LRP1B: variants seen among roughly 807,000 people sequenced by gnomAD.
LRP1B encodes low-density lipoprotein receptor-related protein 1B.
LRP1B carries 217 observed loss-of-function variants against 556.6 expected under a neutral mutation model. The ratio of observed to expected loss-of-function variants is 0.39; its 90% CI spans 0.35 to 0.44. The LOEUF is 0.44. LRP1B is among the 20% of genes least tolerant of loss of function. The probability of loss-of-function intolerance (pLI) is 1.00; values close to 1 mark genes in which losing one functional copy is unlikely to be tolerated. For missense variants in LRP1B, 5,053 were observed against 5,620.8 expected (o/e 0.90, Z 3.23); for synonymous variants, 2,047 against 1,865.8 (o/e 1.10, Z -2.50).
chr2:141,006,599 T>C lies in LRP1B; in HGVS notation c.2381-1142A>G, dbSNP rs139682434. Among the ~76,000 whole-genome samples, 305 of 152,110 alleles carry C rather than the reference T, an allele frequency of 2.0e-3. 1 individual carries two copies. The highest frequency in any genetic ancestry group is 7.1e-3 in the African/African-American group (295 of 41,554). On this transcript the variant is annotated intron_variant, in intron 14 of 90. Transcript: ENST00000389484. ...AGCATCCTTACACAAACCGAGATAG[T>C]AGAGCCTGCTGTGCACCTAAACTAT...
At chr2:140,667,477 C>T (rs1021652461) in intron 41 of LRP1B, among the ~76,000 whole-genome samples, 1 of 152,190 alleles carries the variant, frequency 6.6e-6, no homozygotes, top group African/African-American at 2.4e-5. Flanking sequence ...TCTTCCTATA[C>T]ACCTTGGATA....
At chr2:140,342,062 CA>C (rs1004447559) in intron 77 of LRP1B, among the ~76,000 whole-genome samples, 1 of 151,190 alleles carries the variant, frequency 6.6e-6, no homozygotes, top group Non-Finnish European at 1.5e-5. Context: ...ATTAAAACAT[CA>C]AAAAAATAGC....
intron 2 of LRP1B, among the ~76,000 whole-genome samples, chr2:141,701,312 A>G (rs567963314): frequency 2.0e-5 from 3 of 151,844 alleles, no homozygotes; most frequent in African/African-American, 7.2e-5. Flanking sequence ...CACATCACTC[A>G]CTTTCTGCCC....
chr2:141,213,954 C>A (rs1226818563), intron 6 of LRP1B, among the ~76,000 whole-genome samples: 1 of 151,938 alleles, frequency 6.6e-6, no homozygotes, highest in Admixed American at 6.6e-5. Context: ...CTCTAGGTTA[C>A]TTATACTACC....
chr2:140,465,890 T>C (rs1687525388), intron 60 of LRP1B, among the ~76,000 whole-genome samples: 1 of 152,144 alleles, frequency 6.6e-6, no homozygotes, highest in African/African-American at 2.4e-5. Flanking sequence ...AACTGAATTG[T>C]ATTTTGCTCC....
chr2:140,659,976 T>G (rs1470358046), intron 41 of LRP1B, among the ~76,000 whole-genome samples: 1 of 152,094 alleles, frequency 6.6e-6, no homozygotes, highest in African/African-American at 2.4e-5. Flanking sequence ...ATTTTTGTTT[T>G]CAGGCAATAT....
chr2:141,521,062 A>G (rs546172758), intron 2 of LRP1B, among the ~76,000 whole-genome samples: 1 of 152,220 alleles, frequency 6.6e-6, no homozygotes, highest in South Asian at 2.1e-4. Context: ...CTAGGCATAC[A>G]ATCAACCTTA....
At chr2:142,107,713 C>T (rs894220625) in intron 1 of LRP1B, among the ~76,000 whole-genome samples, 7 of 151,754 alleles carry the variant, frequency 4.6e-5, no homozygotes, top group East Asian at 1.9e-4. Context: ...TTGCAACCTC[C>T]GCCTCCTGGG....
At chr2:140,586,494 C>A (rs113722176) in intron 43 of LRP1B, 5,702 of 152,454 alleles carry the variant, frequency 0.037, 147 homozygotes, top group Middle Eastern at 0.068. Flanking sequence ...CTTCCACACA[C>A]CCCTGATGGT....
At chr2:140,508,939 A>G (rs1437663297) in intron 52 of LRP1B, among the ~76,000 whole-genome samples, 2 of 152,102 alleles carry the variant, frequency 1.3e-5, no homozygotes, top group Admixed American at 6.6e-5. Flanking sequence ...ACAGACACAC[A>G]TATCAGTTTC....
chr2:142,067,625 G>C (rs1705153623), intron 1 of LRP1B, among the ~76,000 whole-genome samples: 1 of 151,494 alleles, frequency 6.6e-6, no homozygotes, highest in African/African-American at 2.4e-5. Context: ...ATTGAGATTT[G>C]AGTATCATTT....
At chr2:141,528,930 T>C (rs1027750429) in intron 2 of LRP1B, among the ~76,000 whole-genome samples, 1 of 152,230 alleles carries the variant, frequency 6.6e-6, no homozygotes, top group Non-Finnish European at 1.5e-5. Flanking sequence ...TCTAACTGCA[T>C]TTTGTTTTTA....
At chr2:141,256,732 T>C (rs1433024719) in intron 3 of LRP1B, among the ~76,000 whole-genome samples, 1 of 152,036 alleles carries the variant, frequency 6.6e-6, no homozygotes, top group Non-Finnish European at 1.5e-5. Flanking sequence ...GAAAATATTG[T>C]TTGTCTTTGA....
intron 25 of LRP1B, among the ~76,000 whole-genome samples, chr2:140,872,261 C>CG (rs1693159102): frequency 6.7e-6 from 1 of 149,880 alleles, no homozygotes; most frequent in Admixed American, 6.7e-5. Flanking sequence ...GGCTCCCTTT[C>CG]GGGGAAAACC....
intron 3 of LRP1B, among the ~76,000 whole-genome samples, chr2:141,316,784 G>A (rs572119814): frequency 1.3e-5 from 2 of 152,208 alleles, no homozygotes; most frequent in Non-Finnish European, 2.9e-5. Context: ...GCCATGGGGG[G>A]TGAGGTGGAT....
intron 2 of LRP1B, among the ~76,000 whole-genome samples, chr2:141,723,899 T>A (rs1692933928): frequency 1.3e-5 from 2 of 151,830 alleles, no homozygotes; most frequent in South Asian, 4.1e-4. Flanking sequence ...CCACTTAAAA[T>A]TCACCAAAAA....
intron 71 of LRP1B, among the ~76,000 whole-genome samples, chr2:140,369,282 T>C (rs758415225): frequency 4.0e-5 from 6 of 151,850 alleles, no homozygotes; most frequent in African/African-American, 1.2e-4. Flanking sequence ...ATAGGATGTA[T>C]TGGAGACCAG....
At chr2:140,590,059 T>G (rs1247459701) in intron 43 of LRP1B, among the ~76,000 whole-genome samples, 2 of 152,028 alleles carry the variant, frequency 1.3e-5, no homozygotes, top group Non-Finnish European at 2.9e-5. Flanking sequence ...TTCATGTGAA[T>G]CTACAGTTAT....
At chr2:141,289,381 C>CA (rs34784985) in intron 3 of LRP1B, among the ~76,000 whole-genome samples, 3,123 of 41,576 alleles carry the variant, frequency 0.075, 72 homozygotes, top group Non-Finnish European at 0.082. Flanking sequence ...GACTCCATCT[C>CA]AAAAAAAAAA....
Sources: gnomAD v4.1 joint callset for allele counts (sites outside exome capture counted in the v4.1 genomes callset) on GRCh38, gnomAD v4.1.1 for gene constraint, MANE v1.5 for transcripts, NCBI Gene and HGNC (gene_info 2026-07-23, HGNC 2026-07-21) for gene names.